Variants in CDKN2AIP observed in about 807,000 individuals in gnomAD.
CDKN2AIP encodes the protein CDKN2A interacting protein.
In CDKN2AIP, 12 loss-of-function variants were observed where a neutral mutation model predicts 44.1. The ratio of observed to expected loss-of-function variants is 0.27; its 90% CI spans 0.17 to 0.44. The LOEUF is 0.44. Ranked by LOEUF, CDKN2AIP falls within the 20% of genes least tolerant of loss-of-function variation. CDKN2AIP has a pLI of 1.00. For synonymous variants in CDKN2AIP, 291 were observed against 272.1 expected (o/e 1.07, Z -0.68); for missense variants, 705 against 681.6 (o/e 1.03, Z -0.38).
chr4:183,446,257 T>C lies in CDKN2AIP; in HGVS notation c.573T>C (p.Ala191=). 1.2e-6 allele frequency: 2 copies of C among 1,614,046 alleles called. No homozygotes were observed. Among genetic ancestry groups the C allele is most frequent in the Non-Finnish European group, 1.7e-6 (2 of 1,179,908 alleles). Residue 191 remains alanine (A), a synonymous_variant, in exon 3 of 3, where the codon GCT becomes GCC. Coordinates refer to ENST00000504169, the MANE Select transcript of CDKN2AIP (RefSeq NM_017632.4). ...SAIKSESGNS[A]RSSGISSQNS... ...TCAAATCAGAGAGTGGGAACTCAGC[T>C]CGGAGCTCTGGCATCTCCAGTCAGA...
chr4:183,446,410 A>G lies in CDKN2AIP; in HGVS notation c.726A>G (p.Ala242=). 2 of 1,612,564 alleles carry G rather than the reference A, an allele frequency of 1.2e-6. No homozygotes were observed. The highest frequency in any genetic ancestry group is 2.2e-5 in the South Asian group (2 of 91,034). The change falls in exon 3 of 3, where the codon GCA becomes GCG. Residue 242 remains alanine (A), a synonymous_variant. Transcript: ENST00000504169. ...EAEAPDKHGS[A]SFVSLLKSSV... ...AAGCTCCAGATAAACACGGTTCTGC[A>G]TCATTTGTTTCCTTGCTGAAATCCA...
chr4:183,446,666 A>G lies in CDKN2AIP; in HGVS notation c.982A>G (p.Ser328Gly). ...GLTSKTSSEA[S>G]VSSSVAKNSS... ...AACTTCCAAAACTAGTTCAGAGGCA[A>G]GTGTTTCATCATCAGTTGCTAAAAA... Residue 328 changes from serine (S) to glycine (G), a missense_variant, in exon 3 of 3, where the codon AGT becomes GGT. Physicochemically the swap from Ser to Gly is moderately conservative, Grantham distance 56. This residue lies in a region of CDKN2AIP where 592 missense variants were observed against 518.0 expected (regional missense o/e 1.14). Coordinates refer to ENST00000504169, the MANE Select transcript of CDKN2AIP (RefSeq NM_017632.4). The G allele has an allele frequency of 6.2e-7, 1 of 1,614,160 alleles. No homozygotes were observed. Among genetic ancestry groups the G allele is most frequent in the Non-Finnish European group, 8.5e-7 (1 of 1,179,982 alleles).
Position 183,447,543 on chromosome 4 carries a change from A to G in CDKN2AIP, c.*116A>G, listed in dbSNP as rs934776087. On this transcript the variant is annotated 3_prime_UTR_variant, in exon 3 of 3. Coordinates refer to ENST00000504169, the MANE Select transcript of CDKN2AIP (RefSeq NM_017632.4). ...TGTATTGCTTTTTTTCCAGTTTTGC[A>G]GAAAATTTACATTCTAGTTCTCTTC... 3 of 711,156 alleles carry G rather than the reference A, an allele frequency of 4.2e-6. No homozygotes were observed. In the South Asian group the frequency reaches 6.8e-5, roughly 16 times the overall value. 44.1% of individuals were successfully genotyped at this position (711,156 alleles called of 1,614,324 possible). A position where few individuals can be genotyped will look rare whatever the true frequency, so the allele number is the denominator to read the frequency against.
At chr4:183,445,375 A>T (rs911466563) in intron 1 of CDKN2AIP, 160 bp from the exon 2 acceptor site, 2 of 645,288 alleles carry the variant, frequency 3.1e-6, no homozygotes, top group Admixed American at 5.9e-5. Flanking sequence ...TGCCTCCCAG[A>T]CCCTGGGGCA....
At position 183,446,426 on chromosome 4, in the gene CDKN2AIP, C is replaced by G; in HGVS notation, c.742C>G (p.Leu248Val). The change falls in exon 3 of 3, where the codon CTG becomes GTG. Residue 248 changes from leucine (L) to valine (V), a missense_variant. By Grantham distance (32) the Leu-to-Val change is conservative (BLOSUM62 1). This residue lies in a region of CDKN2AIP where 592 missense variants were observed against 518.0 expected (regional missense o/e 1.14). Transcript: ENST00000504169. ...CGGTTCTGCATCATTTGTTTCCTTG[C>G]TGAAATCCAGTGTGAATAGTCACAT... ...KHGSASFVSL[L>V]KSSVNSHMTQ... is the part of the protein sequence containing the mutation. 6.2e-7 allele frequency: 1 copy of G among 1,613,516 alleles called. No homozygotes were observed. Among genetic ancestry groups the G allele is most frequent in the South Asian group, 1.1e-5 (1 of 91,076 alleles).
Position 183,446,289 on chromosome 4 carries a change from C to G in CDKN2AIP, c.605C>G (p.Ser202Cys), listed in dbSNP as rs1018373042. Reference sequence around the variant, plus strand: ...TCTGGCATCTCCAGTCAGAATAGCTCTACAAGTGATGGAGATCGATCTGTT... The same window carrying G: ...TCTGGCATCTCCAGTCAGAATAGCTGTACAAGTGATGGAGATCGATCTGTT... ...RSSGISSQNS[S>C]TSDGDRSVSS... is the part of the protein sequence containing the mutation. The change falls in exon 3 of 3, where the codon TCT becomes TGT. Residue 202 changes from serine to cysteine, a missense_variant. By Grantham distance (112) the Ser-to-Cys change is moderately radical (BLOSUM62 -1). Around this residue, in one of 2 missense-constraint regions of CDKN2AIP, gnomAD observed 592 missense variants for 518.0 expected, o/e 1.14. Coordinates refer to ENST00000504169, the MANE Select transcript of CDKN2AIP (RefSeq NM_017632.4). The G allele has an allele frequency of 1.9e-6, 3 of 1,614,136 alleles. No individual in the cohort carries two copies. Among genetic ancestry groups the G allele is most frequent in the South Asian group, 1.1e-5 (1 of 91,086 alleles).
In CDKN2AIP at chr4:183,446,859, G is replaced by C. The variant is rs749748152; in HGVS notation, c.1175G>C (p.Ser392Thr). 6.2e-6 allele frequency: 10 copies of C among 1,614,200 alleles called. No homozygotes were observed. The highest frequency in any genetic ancestry group is 7.6e-6 in the Non-Finnish European group (9 of 1,180,036). Residue 392 changes from serine (S) to threonine (T), a missense_variant, in exon 3 of 3, where the codon AGT (serine) becomes ACT (threonine). Physicochemically the swap from Ser to Thr is moderately conservative, Grantham distance 58. This residue lies in a region of CDKN2AIP where 592 missense variants were observed against 518.0 expected (regional missense o/e 1.14). Transcript: ENST00000504169. Reference protein sequence around the residue: ...SLVSKSTSLASVSQLASKSSS... With the variant: ...SLVSKSTSLATVSQLASKSSS... ...GTTTCCAAAAGCACTTCCTTAGCAA[G>C]TGTGTCCCAGTTGGCTTCTAAGAGT...
rs746119163 is a variant in CDKN2AIP at position 183,446,585 on chromosome 4, G to A, written c.901G>A (p.Val301Ile). The part of the protein sequence containing the change: ...PLLGSSGSSE[V>I]ELPLLSSKPS... Reference sequence around the variant, plus strand: ...GTTGGGCTCCTCAGGAAGCTCAGAGGTAGAATTGCCACTATTGTCTTCCAA... The same window carrying A: ...GTTGGGCTCCTCAGGAAGCTCAGAGATAGAATTGCCACTATTGTCTTCCAA... The change falls in exon 3 of 3, where the codon GTA (valine) becomes ATA (isoleucine). Residue 301 changes from valine (V) to isoleucine (I), a missense_variant. Coordinates refer to ENST00000504169, the MANE Select transcript of CDKN2AIP (RefSeq NM_017632.4). The A allele has an allele frequency of 6.2e-7, 1 of 1,614,162 alleles. No individual in the cohort carries two copies. Among genetic ancestry groups the A allele is most frequent in the East Asian group, 2.2e-5 (1 of 44,880 alleles).
rs1733659772 is a variant in CDKN2AIP, at chr4:183,446,098, A to G, written c.414A>G (p.Glu138=). 1.2e-6 allele frequency: 2 copies of G among 1,608,338 alleles called. No homozygotes were observed. The highest frequency in any genetic ancestry group is 4.5e-5 in the East Asian group (2 of 44,872). ...RGISSSNEGV[E]EPSKKRVIEG... Reference sequence around the variant, plus strand: ...TTTTCTTCTTTTTAGAAGGGGTAGAAGAGCCATCCAAAAAACGAGTTATAG... The same window carrying G: ...TTTTCTTCTTTTTAGAAGGGGTAGAGGAGCCATCCAAAAAACGAGTTATAG... Residue 138 remains glutamate (E), a synonymous_variant, in exon 3 of 3, where the codon GAA becomes GAG. Coordinates refer to ENST00000504169, the MANE Select transcript of CDKN2AIP (RefSeq NM_017632.4).
Position 183,446,209 on chromosome 4 carries a change from T to C in CDKN2AIP, c.525T>C (p.Ser175=), listed in dbSNP as rs1733663938. The C allele has an allele frequency of 6.2e-7, 1 of 1,614,106 alleles. No homozygotes were observed. Among genetic ancestry groups the C allele is most frequent in the East Asian group, 2.2e-5 (1 of 44,886 alleles). Residue 175 remains serine (S), a synonymous_variant, in exon 3 of 3, where the codon AGT becomes AGC. Coordinates refer to ENST00000504169, the MANE Select transcript of CDKN2AIP (RefSeq NM_017632.4). ...GTGCATCAGCTCAGCAGGAAAACAG[T>C]TCAACGTGTATAGGGTCGGCCATCA... ...TERASAQQEN[S]STCIGSAIKS... is the part of the protein sequence containing the mutation.
rs745840281 is a variant in CDKN2AIP at position 183,446,276 on chromosome 4, A to T, written c.592A>T (p.Ser198Cys). 5.0e-6 allele frequency: 8 copies of T among 1,613,972 alleles called. No homozygotes were observed. Among genetic ancestry groups the T allele is most frequent in the Non-Finnish European group, 6.8e-6 (8 of 1,179,904 alleles). Residue 198 changes from serine (S) to cysteine (C), a missense_variant, in exon 3 of 3, where the codon AGT becomes TGT. Physicochemically the swap from Ser to Cys is moderately radical, Grantham distance 112. Coordinates refer to ENST00000504169, the MANE Select transcript of CDKN2AIP (RefSeq NM_017632.4). ...CTCAGCTCGGAGCTCTGGCATCTCC[A>T]GTCAGAATAGCTCTACAAGTGATGG... ...GNSARSSGIS[S>C]QNSSTSDGDR...
At position 183,446,405 on chromosome 4, in the gene CDKN2AIP, TCTG is replaced by T. The variant is rs10533201; in HGVS notation, c.723_725del (p.Ala242del). ...AGCAGAAGCTCCAGATAAACACGGT[TCTG>T]CATCATTTGTTTCCTTGCTGAAATC... On this transcript the variant is annotated inframe_deletion, in exon 3 of 3. Transcript: ENST00000504169. The T allele has an allele frequency of 0.67, 1,081,241 of 1,612,276 alleles. 383,956 individuals carry two copies. Among genetic ancestry groups the T allele is most frequent in the Non-Finnish European group, 0.75 (881,306 of 1,178,496 alleles).
rs2111226536 is a variant in CDKN2AIP at position 183,446,496 on chromosome 4, A to G, written c.812A>G (p.Lys271Arg). 4.3e-6 allele frequency: 7 copies of G among 1,613,948 alleles called. No homozygotes were observed. Residue 271 changes from lysine to arginine, a missense_variant, in exon 3 of 3, where the codon AAG (lysine) becomes AGG (arginine). Transcript: ENST00000504169. ...AGACAACAAAGTGGATCACCTAAAA[A>G]GAGTGCTTTGGAAGGCTCTTCAGCC... ...DSRQQSGSPK[K>R]SALEGSSASA...
rs1733737486 is a variant in CDKN2AIP at position 183,448,823 on chromosome 4, TACCATATA to T, written c.*1400_*1407del. Among the ~76,000 whole-genome samples, 1 of 152,172 alleles carries T rather than the reference TACCATATA, an allele frequency of 6.6e-6. No homozygotes were observed. Among genetic ancestry groups the T allele is most frequent in the Admixed American group, 6.5e-5 (1 of 15,270 alleles). ...ATTACATAATCAGATGTTTTAATTT[TACCATATA>T]ACCTTTAAAAATGATTCATTTTTGA... is the stretch of plus-strand genomic sequence containing the variant. On this transcript the variant is annotated 3_prime_UTR_variant, in exon 3 of 3. Coordinates refer to ENST00000504169, the MANE Select transcript of CDKN2AIP (RefSeq NM_017632.4).
rs1232703700 is a variant in CDKN2AIP, at chr4:183,447,252, C to T, written c.1568C>T (p.Ala523Val). The change falls in exon 3 of 3, where the codon GCA (alanine) becomes GTA (valine). Residue 523 changes from alanine to valine, a missense_variant. Coordinates refer to ENST00000504169, the MANE Select transcript of CDKN2AIP (RefSeq NM_017632.4). The part of the protein sequence containing the change: ...GTGCGKSKEN[A>V]KAVASREALK... ...GGCTGTGGAAAAAGCAAAGAAAATG[C>T]AAAAGCAGTTGCATCAAGAGAAGCA... is the stretch of plus-strand genomic sequence containing the variant. 6.2e-7 allele frequency: 1 copy of T among 1,610,880 alleles called. No individual in the cohort carries two copies. The highest frequency in any genetic ancestry group is 8.5e-7 in the Non-Finnish European group (1 of 1,179,084).
rs972786521 is a variant in CDKN2AIP at position 183,445,037 on chromosome 4, G to T, written c.240G>T (p.Met80Ile). 1.6e-5 allele frequency: 25 copies of T among 1,596,614 alleles called. No individual in the cohort carries two copies. The highest frequency in any genetic ancestry group is 2.1e-5 in the Non-Finnish European group (24 of 1,167,048). ...TGCAGCAGCTCATCTCCTTTTCCAT[G>T]GCCTGGGCGAACCACGTCTTCCTCG... ...RQLQQLISFSMAWANHVFLGC... is the reference protein window; with the variant it reads ...RQLQQLISFSIAWANHVFLGC... Residue 80 changes from methionine (M) to isoleucine (I), a missense_variant, in exon 1 of 3, where the codon ATG becomes ATT. Met to Ile is a conservative substitution (Grantham distance 10). This residue lies in a region of CDKN2AIP where 592 missense variants were observed against 518.0 expected (regional missense o/e 1.14). Transcript: ENST00000504169.
chr4:183,447,054 T>G lies in CDKN2AIP; in HGVS notation c.1370T>G (p.Phe457Cys). 2 of 1,614,126 alleles carry G rather than the reference T, an allele frequency of 1.2e-6. No homozygotes were observed. The highest frequency in any genetic ancestry group is 1.7e-6 in the Non-Finnish European group (2 of 1,179,972). Residue 457 changes from phenylalanine to cysteine, a missense_variant, in exon 3 of 3, where the codon TTT becomes TGT. Transcript: ENST00000504169. ...VAWKLVAVGG[F>C]SPNVNHGELL... ...TGGAAGTTGGTAGCTGTTGGTGGCTTTAGTCCCAATGTGAATCATGGAGAG... is the reference window on the plus strand; with the variant it reads ...TGGAAGTTGGTAGCTGTTGGTGGCTGTAGTCCCAATGTGAATCATGGAGAG...
rs746369912 is a variant in CDKN2AIP, at chr4:183,447,094, T to C, written c.1410T>C (p.Ala470=). 1 of 1,613,914 alleles carries C rather than the reference T, an allele frequency of 6.2e-7. No homozygotes were observed. The highest frequency in any genetic ancestry group is 1.7e-5 in the Admixed American group (1 of 60,034). The change falls in exon 3 of 3, where the codon GCT becomes GCC. Residue 470 remains alanine (A), a synonymous_variant. Coordinates refer to ENST00000504169, the MANE Select transcript of CDKN2AIP (RefSeq NM_017632.4). ...NVNHGELLNA[A]IEALKATLDV... ...ATCATGGAGAGCTCCTAAATGCAGC[T>C]ATTGAGGCTCTGAAAGCAACACTGG... is the stretch of plus-strand genomic sequence containing the variant.
At position 183,446,722 on chromosome 4, in the gene CDKN2AIP, T is replaced by C; in HGVS notation, c.1038T>C (p.Thr346=). 6.2e-7 allele frequency: 1 copy of C among 1,614,182 alleles called. No individual in the cohort carries two copies. The highest frequency in any genetic ancestry group is 8.5e-7 in the Non-Finnish European group (1 of 1,180,016). ...CCTCATCAGGCACATCCTTACTGAC[T>C]CCCAAGAGCAGCTCTTCAACAAATA... ...NSSSSGTSLL[T]PKSSSSTNTS... is the part of the protein sequence containing the mutation. The change falls in exon 3 of 3, where the codon ACT becomes ACC. Residue 346 remains threonine, a synonymous_variant. Coordinates refer to ENST00000504169, the MANE Select transcript of CDKN2AIP (RefSeq NM_017632.4).
Sources: gnomAD v4.1 joint callset for allele counts (sites outside exome capture counted in the v4.1 genomes callset) on GRCh38, gnomAD v4.1.1 for gene constraint, gnomAD v4.1.1 regional missense constraint, MANE v1.5 for transcripts, NCBI Gene and HGNC (gene_info 2026-07-23, HGNC 2026-07-21) for gene names.